The following GSR variants were observed in gnomAD, a reference collection of about 807,000 sequenced individuals.
GSR encodes glutathione reductase, mitochondrial.
GSR carries 48 observed loss-of-function variants against 56.5 expected under a neutral mutation model. The ratio of observed to expected loss-of-function variants is 0.85; its 90% CI spans 0.67 to 1.08. GSR has a LOEUF of 1.08. Among genes scored for constraint, GSR ranks in the 50% least tolerant of loss-of-function variants. The probability of loss-of-function intolerance (pLI) is 0.00; values close to 1 mark genes in which losing one functional copy is unlikely to be tolerated. For missense variants in GSR, 694 were observed against 703.3 expected, an observed-to-expected ratio of 0.99 and a Z score of 0.15; for synonymous variants, 264 against 270.8, an observed-to-expected ratio of 0.97 and a Z score of 0.25.
chr8:30,704,505 C>T (rs1190515389), intron 4 of GSR: 1 of 152,202 alleles, frequency 6.6e-6, no homozygotes, highest in African/African-American at 2.4e-5. Context: ...AAGTTCTACG[C>T]TGGAGACGGT....
intron 5 of GSR, among the ~76,000 whole-genome samples, chr8:30,702,277 G>A (rs1031630482): frequency 3.4e-5 from 5 of 147,488 alleles, no homozygotes; most frequent in Non-Finnish European, 7.5e-5. Flanking sequence ...CTGAGGTTGT[G>A]CCACTGCACT....
chr8:30,694,455 G>A (rs374532495), intron 7 of GSR, among the ~76,000 whole-genome samples: 9 of 152,132 alleles, frequency 5.9e-5, no homozygotes, highest in African/African-American at 1.4e-4. Context: ...AACTACAGGC[G>A]TATACCACTA....
At chr8:30,727,447 C>A in intron 1 of GSR, 83 bp downstream of exon 1, 1 of 1,273,490 alleles carries the variant, frequency 7.9e-7, no homozygotes, top group South Asian at 1.3e-5. Flanking sequence ...GGGACAGGAT[C>A]GCCATAGGAA....
intron 8 of GSR, among the ~76,000 whole-genome samples, chr8:30,691,055 A>G (rs1048951417): frequency 3.9e-5 from 6 of 152,034 alleles, no homozygotes; most frequent in African/African-American, 1.4e-4. Context: ...TTGTGTCAAG[A>G]AAAATAATTT....
At position 30,716,493 on chromosome 8, in the gene GSR, C is replaced by A. The variant is rs571273841; in HGVS notation, c.307-4405G>T. On this transcript the variant is annotated intron_variant, in intron 1 of 12. Coordinates refer to ENST00000221130, the MANE Select transcript of GSR (RefSeq NM_000637.5). Reference sequence around the variant, plus strand: ...CCAGCAACATGACATGACTTCAGCGCCTCTGACTTGGAAGGAACGAAAAGC... The same window carrying A: ...CCAGCAACATGACATGACTTCAGCGACTCTGACTTGGAAGGAACGAAAAGC... Among the ~76,000 whole-genome samples, 13 of 152,328 alleles carry A rather than the reference C, an allele frequency of 8.5e-5. No individual in the cohort carries two copies. In the South Asian group the frequency reaches 2.7e-3, roughly 32 times the overall value.
chr8:30,681,988 GTTA>G lies in GSR; in HGVS notation c.1224_1226del (p.Asn410del). Reference sequence around the variant, plus strand: ...GGCTGAAGACCACAGTTGGGATGTTGTTATAATCTAATTTGGAATCTTCCTTAT... The same window carrying G: ...GGCTGAAGACCACAGTTGGGATGTTGTAATCTAATTTGGAATCTTCCTTAT... On this transcript the variant is annotated inframe_deletion, in exon 11 of 13. Transcript: ENST00000221130. The G allele has an allele frequency of 1.2e-6, 2 of 1,613,246 alleles. No homozygotes were observed. Among genetic ancestry groups the G allele is most frequent in the Non-Finnish European group, 1.7e-6 (2 of 1,179,176 alleles).
intron 9 of GSR, among the ~76,000 whole-genome samples, chr8:30,686,396 C>G (rs527514161): frequency 1.3e-5 from 2 of 151,852 alleles, no homozygotes; most frequent in South Asian, 4.1e-4. Flanking sequence ...AAAAATTTAG[C>G]AAATATAGGC....
intron 7 of GSR, among the ~76,000 whole-genome samples, chr8:30,695,143 C>T (rs914247026): frequency 1.3e-5 from 2 of 152,170 alleles, no homozygotes; most frequent in East Asian, 1.9e-4. Flanking sequence ...GCCTGCAGGC[C>T]GTGTGCGGAC....
intron 5 of GSR, among the ~76,000 whole-genome samples, chr8:30,700,723 C>CCAAAAAAAAA (rs574290557): frequency 5.0e-5 from 4 of 80,042 alleles, no homozygotes. Flanking sequence ...ATTTTGTCTC[C>CCAAAAAAAAA]AAAAAAAAAA....
At chr8:30,687,009 GTAT>G (rs1803186357) in intron 9 of GSR, among the ~76,000 whole-genome samples, 1 of 151,302 alleles carries the variant, frequency 6.6e-6, no homozygotes, top group African/African-American at 2.4e-5. Flanking sequence ...GCTAATTTTT[GTAT>G]TATTAGTAGA....
In GSR at chr8:30,703,210, C is replaced by T. The variant is rs112740716; in HGVS notation, c.523G>A (p.Ala175Thr). 10 of 1,614,080 alleles carry T rather than the reference C, an allele frequency of 6.2e-6. No individual in the cohort carries two copies. The African/African-American group carries it at 6.7e-5, about 11-fold the overall frequency. The change falls in exon 5 of 13, where the codon GCC becomes ACC. Residue 175 changes from alanine to threonine, a missense_variant. Transcript: ENST00000221130. ...GTGGGCTTGGGATCACTCGTGAAGGCTGCATGGCCACGGATGATTTCTATA... is the reference window on the plus strand; with the variant it reads ...GTGGGCTTGGGATCACTCGTGAAGGTTGCATGGCCACGGATGATTTCTATA... The part of the protein sequence containing the change: ...SHIEIIRGHA[A>T]FTSDPKPTIE...
chr8:30,713,103 C>G (rs1804210520), intron 1 of GSR, among the ~76,000 whole-genome samples: 1 of 151,418 alleles, frequency 6.6e-6, no homozygotes, highest in African/African-American at 2.4e-5. Flanking sequence ...ATGGTGCGAT[C>G]ACAGCTTACT....
At chr8:30,680,362 C>T (rs1331776788) in intron 12 of GSR, among the ~76,000 whole-genome samples, 2 of 150,488 alleles carry the variant, frequency 1.3e-5, no homozygotes, top group Non-Finnish European at 2.9e-5. Context: ...AGCCACAGCG[C>T]CTGGCCCTGG....
chr8:30,714,202 C>CTTTTTTTTTTTTTTTTTTTTTT (rs33969608), intron 1 of GSR, among the ~76,000 whole-genome samples: 1 of 63,960 alleles, frequency 1.6e-5, no homozygotes, highest in Non-Finnish European at 2.7e-5. Flanking sequence ...GTTCTATATG[C>CTTTTTTTTTTTTTTTTTTTTTT]TTTTTTTTTT....
chr8:30,679,773 T>G lies in GSR; in HGVS notation c.1420-104A>C, dbSNP rs1802881012. ...CAGGCTGGAGTGCAATGGCATGATC[T>G]CGGCTCGCTGCAACCTCCACCTCCC... On this transcript the variant is annotated intron_variant, in intron 12 of 12. Transcript: ENST00000221130. 3.9e-6 allele frequency: 4 copies of G among 1,023,388 alleles called. No individual in the cohort carries two copies. The East Asian group carries it at 1.1e-4, about 27-fold the overall frequency. The allele number at this position is 1,023,388 out of a possible 1,614,324, so 63.4% of individuals were successfully genotyped here. A position where few individuals can be genotyped will look rare whatever the true frequency, so the allele number is the denominator to read the frequency against.
chr8:30,679,268 G>C lies in GSR; in HGVS notation c.*252C>G. 2 of 508,612 alleles carry C rather than the reference G, an allele frequency of 3.9e-6. No individual in the cohort carries two copies. Among genetic ancestry groups the C allele is most frequent in the Non-Finnish European group, 7.0e-6 (2 of 286,356 alleles). 31.5% of individuals were successfully genotyped at this position (508,612 alleles called of 1,614,324 possible). On this transcript the variant is annotated 3_prime_UTR_variant, in exon 13 of 13. Coordinates refer to ENST00000221130, the MANE Select transcript of GSR (RefSeq NM_000637.5). Reference sequence around the variant, plus strand: ...AACAGAAAAAAAAAACTAGCACAGAGCTGTTAATAAAAAAAAAACTTGAAA... The same window carrying C: ...AACAGAAAAAAAAAACTAGCACAGACCTGTTAATAAAAAAAAAACTTGAAA...
At chr8:30,703,378 A>C in intron 4 of GSR, 138 bp from the exon 5 acceptor site, 2 of 858,976 alleles carry the variant, frequency 2.3e-6, no homozygotes, top group Non-Finnish European at 3.8e-6. Flanking sequence ...TCCGTTTTTC[A>C]AGTTTCTGTA....
At chr8:30,713,454 G>A (rs541603951) in intron 1 of GSR, among the ~76,000 whole-genome samples, 1 of 152,046 alleles carries the variant, frequency 6.6e-6, no homozygotes, top group African/African-American at 2.4e-5. Flanking sequence ...TGCCTCCCAG[G>A]CTCAAGCAAT....
At chr8:30,722,236 C>T (rs2472219) in intron 1 of GSR, among the ~76,000 whole-genome samples, 116,604 of 152,090 alleles carry the variant, frequency 0.77, 49,197 homozygotes, top group Non-Finnish European at 0.94. Context: ...CATTTGCTTG[C>T]TTTAACTAGC....
Sources: gnomAD v4.1 joint callset for allele counts (sites outside exome capture counted in the v4.1 genomes callset) on GRCh38, gnomAD v4.1.1 for gene constraint, MANE v1.5 for transcripts, NCBI Gene and HGNC (gene_info 2026-07-23, HGNC 2026-07-21) for gene names.